EIF3I: variants seen among roughly 807,000 people sequenced by gnomAD.
EIF3I encodes the protein TGF-beta receptor-interacting protein 1.
A neutral mutation model predicts 43.3 loss-of-function variants in EIF3I; 20 were observed. The observed-to-expected ratio is 0.46, with a 90% CI of 0.32 to 0.67. EIF3I has a LOEUF of 0.67. Ranked by LOEUF, EIF3I falls within the 30% of genes least tolerant of loss-of-function variation. The pLI is 0.03. For synonymous variants in EIF3I, 167 were observed against 151.7 expected (o/e 1.10, Z -0.74); for missense variants, 279 against 421.4 (o/e 0.66, Z 2.96).
Position 32,223,985 on chromosome 1 carries a change from C to T in EIF3I, c.97-49C>T, listed in dbSNP as rs773241396. On this transcript the variant is annotated intron_variant, in intron 2 of 11. Coordinates refer to ENST00000676679, the Ensembl canonical transcript of EIF3I. ...AGGGTTCCTGGGGCAAAATAGGAAG[C>T]CATTGCTCTTACTGGGATGTGTACT... The T allele has an allele frequency of 5.1e-6, 8 of 1,567,452 alleles. No individual in the cohort carries two copies. The Admixed American group carries it at 1.3e-4, about 26-fold the overall frequency.
chr1:32,222,571 A>T, exon 2 of EIF3I: 1 of 1,614,158 alleles, frequency 6.2e-7, no homozygotes, highest in Non-Finnish European at 8.5e-7. Flanking sequence ...TGAGCGGTCC[A>T]TTACGCAGAT....
intron 2 of EIF3I, among the ~76,000 whole-genome samples, chr1:32,222,927 C>T (rs374026555): frequency 2.6e-5 from 4 of 152,094 alleles, no homozygotes; most frequent in Admixed American, 6.5e-5. Context: ...TAAGACCCAT[C>T]TCTACACACA....
exon 3 of EIF3I, chr1:32,224,108 T>C (rs1338459279): frequency 1.6e-5 from 26 of 1,613,928 alleles, no homozygotes; most frequent in Non-Finnish European, 1.9e-5. Context: ...CTGTGTGGTG[T>C]GTGGACGCTG....
chr1:32,229,871 C>G (rs1425004237), intron 9 of EIF3I, among the ~76,000 whole-genome samples: 1 of 151,730 alleles, frequency 6.6e-6, no homozygotes, highest in Non-Finnish European at 1.5e-5. Flanking sequence ...TTCTCTATGT[C>G]TAAATTTCCT....
chr1:32,230,252 A>AT (rs138130147), intron 9 of EIF3I, among the ~76,000 whole-genome samples: 1 of 151,260 alleles, frequency 6.6e-6, no homozygotes, highest in African/African-American at 2.4e-5. Context: ...TATTATTATT[A>AT]TTTTTTGAGA....
chr1:32,226,192 A>G (rs1186540359), exon 5 of EIF3I: 1 of 1,614,168 alleles, frequency 6.2e-7, no homozygotes, highest in Admixed American at 1.7e-5. Flanking sequence ...GCCCTTCTCA[A>G]GACCAATTCG....
At chr1:32,229,628 G>A (rs1431415906) in intron 9 of EIF3I, among the ~76,000 whole-genome samples, 2 of 142,942 alleles carry the variant, frequency 1.4e-5, no homozygotes, top group East Asian at 4.2e-4. Context: ...TCTGCTCACT[G>A]CAACCTCTGC....
chr1:32,231,417 G>A, downstream of EIF3I: 1 of 459,048 alleles, frequency 2.2e-6, no homozygotes, highest in Non-Finnish European at 4.0e-6. Flanking sequence ...CTTGAACCCA[G>A]GAGGCAGAGG....
exon 12 of EIF3I, chr1:32,231,115 C>G (rs781346675): frequency 3.1e-6 from 5 of 1,614,126 alleles, no homozygotes; most frequent in Non-Finnish European, 4.2e-6. Context: ...CTTTTTCCAG[C>G]TACAGCAGCG....
chr1:32,228,834 G>T lies in EIF3I; in HGVS notation c.729+18G>T, dbSNP rs1450872121. 3.1e-6 allele frequency: 5 copies of T among 1,598,624 alleles called. No homozygotes were observed. Among genetic ancestry groups the T allele is most frequent in the Non-Finnish European group, 4.3e-6 (5 of 1,167,258 alleles). On this transcript the variant is annotated intron_variant, in intron 8 of 11. Coordinates refer to ENST00000676679, the Ensembl canonical transcript of EIF3I. ...ATGACCATGTAAGAGAACCCCACCT[G>T]CCTTCCTGCTGAAGCCTCAGGAAGC...
chr1:32,227,477 T>G (rs1639166112), intron 6 of EIF3I, among the ~76,000 whole-genome samples: 1 of 151,954 alleles, frequency 6.6e-6, no homozygotes, highest in African/African-American at 2.4e-5. Flanking sequence ...ACTCAGGACA[T>G]GTTAATAAGG....
At chr1:32,226,247 G>C in exon 5 of EIF3I, 1 of 1,614,104 alleles carries the variant, frequency 6.2e-7, no homozygotes, top group South Asian at 1.1e-5. Flanking sequence ...ACATCATCAT[G>C]TTCTCCACGG....
downstream of EIF3I, chr1:32,234,426 G>T (rs1340406129): frequency 6.6e-6 from 1 of 152,610 alleles, no homozygotes; most frequent in Non-Finnish European, 1.5e-5. Context: ...TGTTGCAGAG[G>T]AAGGTGCCAA....
At chr1:32,226,707 C>T (rs751883072) in intron 6 of EIF3I, among the ~76,000 whole-genome samples, 177 bp downstream of exon 6, 7 of 145,424 alleles carry the variant, frequency 4.8e-5, no homozygotes, top group African/African-American at 1.5e-4. Context: ...GCTGGGATTA[C>T]AGGTGCATGC....
chr1:32,231,487 G>T (rs912501625), downstream of EIF3I: 3 of 229,912 alleles, frequency 1.3e-5, no homozygotes, highest in Non-Finnish European at 2.5e-5. Flanking sequence ...GCAAAACTCC[G>T]TCTCAAAAAA....
At chr1:32,223,826 C>T (rs1342675559) in intron 2 of EIF3I, among the ~76,000 whole-genome samples, 1 of 152,172 alleles carries the variant, frequency 6.6e-6, no homozygotes, top group Non-Finnish European at 1.5e-5. Context: ...GATGCCTTTA[C>T]AAGCCGCCTG....
chr1:32,234,812 T>C (rs1639279128), downstream of EIF3I: 1 of 152,310 alleles, frequency 6.6e-6, no homozygotes, highest in Non-Finnish European at 1.5e-5. Flanking sequence ...GTGCTGTCTG[T>C]GCCTTCAGCC....
At chr1:32,228,433 G>A (rs1384249014) in intron 6 of EIF3I, 66 bp from the exon 7 acceptor site, 1 of 1,378,424 alleles carries the variant, frequency 7.3e-7, no homozygotes, top group African/African-American at 1.4e-5. Flanking sequence ...TGGGTGCTTG[G>A]GTTTCTGGGG....
At position 32,231,022 on chromosome 1, in the gene EIF3I, A is replaced by G. The variant is rs781232870; in HGVS notation, c.1007+3A>G. 1 of 1,613,468 alleles carries G rather than the reference A, an allele frequency of 6.2e-7. No homozygotes were observed. Among genetic ancestry groups the G allele is most frequent in the African/African-American group, 1.3e-5 (1 of 75,014 alleles). ...GCCTTCCATCCTGATGGCAAGAGGT[A>G]GGGTACCAGTGAAGCAGCTGACCTA... is the stretch of plus-strand genomic sequence containing the variant. On this transcript the variant is annotated splice_donor_region_variant and intron_variant, in intron 11 of 11. Coordinates refer to ENST00000676679, the Ensembl canonical transcript of EIF3I.
Sources: allele counts gnomAD v4.1 joint callset (sites outside exome capture counted in the v4.1 genomes callset), GRCh38; gene constraint gnomAD v4.1.1; transcripts MANE v1.5; gene names NCBI Gene and HGNC (gene_info 2026-07-23, HGNC 2026-07-21).